Variants in GBF1 observed in about 807,000 individuals in gnomAD.
GBF1 encodes the protein golgi brefeldin A resistant guanine nucleotide exchange factor 1.
GBF1 carries 114 observed loss-of-function variants against 210.5 expected under a neutral mutation model. The ratio of observed to expected loss-of-function variants is 0.54; its 90% confidence interval spans 0.47 to 0.63. The LOEUF is 0.63. Ranked by LOEUF, GBF1 falls within the 30% of genes least tolerant of loss-of-function variation. The pLI, the probability that GBF1 is intolerant of heterozygous loss-of-function variation, is 0.00. For missense variants in GBF1, 1,851 were observed against 2,357.7 expected, an observed-to-expected ratio of 0.79 and a Z score of 4.45; for synonymous variants, 850 against 889.2, an observed-to-expected ratio of 0.96 and a Z score of 0.78.
At chr10:102,309,706 A>T (rs562888640) in intron 3 of GBF1, among the ~76,000 whole-genome samples, 2 of 151,998 alleles carry the variant, frequency 1.3e-5, no homozygotes, top group African/African-American at 4.8e-5. Context: ...TAACCTAGTT[A>T]TGATTTTTGT....
At chr10:102,304,983 T>TA (rs1381174447) in intron 3 of GBF1, among the ~76,000 whole-genome samples, 3 of 78,112 alleles carry the variant, frequency 3.8e-5, no homozygotes, top group African/African-American at 1.6e-4. Flanking sequence ...GCACATCTCT[T>TA]AAAAAAAAAG....
chr10:102,354,373 T>C (rs1022897090), intron 8 of GBF1, among the ~76,000 whole-genome samples: 1 of 152,174 alleles, frequency 6.6e-6, no homozygotes, highest in African/African-American at 2.4e-5. Flanking sequence ...TTCGCAGATA[T>C]CTCCATGTCT....
intron 18 of GBF1, among the ~76,000 whole-genome samples, chr10:102,365,951 CAA>C (rs796765583): frequency 7.6e-6 from 1 of 132,340 alleles, no homozygotes; most frequent in Non-Finnish European, 1.6e-5. Context: ...GACCTTGGCT[CAA>C]AAAAAAAAAA....
intron 3 of GBF1, among the ~76,000 whole-genome samples, chr10:102,309,942 G>C (rs2078262452): frequency 6.6e-6 from 1 of 152,062 alleles, no homozygotes; most frequent in Non-Finnish European, 1.5e-5. Context: ...TCATTTTTTG[G>C]TTCTTGGTTT....
intron 3 of GBF1, among the ~76,000 whole-genome samples, chr10:102,329,772 A>AT (rs940978930): frequency 6.6e-6 from 1 of 150,928 alleles, no homozygotes; most frequent in Non-Finnish European, 1.5e-5. Context: ...CAAGTTTTAA[A>AT]TTTTTGTCAT....
intron 3 of GBF1, among the ~76,000 whole-genome samples, chr10:102,316,220 G>A (rs1025180438): frequency 6.6e-6 from 1 of 151,670 alleles, no homozygotes; most frequent in African/African-American, 2.4e-5. Context: ...CCATGTAGCT[G>A]GGATTACAAG....
At chr10:102,284,300 A>G (rs2075759066) in intron 3 of GBF1, among the ~76,000 whole-genome samples, 1 of 152,224 alleles carries the variant, frequency 6.6e-6, no homozygotes, top group African/African-American at 2.4e-5. Flanking sequence ...AAAATTAACC[A>G]TTTTAAAGTG....
Position 102,376,938 on chromosome 10 carries a change from G to A in GBF1, c.4292G>A (p.Cys1431Tyr), listed in dbSNP as rs1205012465. 6 of 1,613,854 alleles carry A rather than the reference G, an allele frequency of 3.7e-6. No individual in the cohort carries two copies. Among genetic ancestry groups the A allele is most frequent in the Non-Finnish European group, 5.1e-6 (6 of 1,179,856 alleles). ...ACCTGAGTCTGGCTCTGCTCAGGAT[G>A]CAAGTCCCAGGAGAAACGTGGCAAG... ...IFVEASLNGG[C>Y]KSQEKRGKSH... The change falls in exon 33 of 40, where the codon TGC (cysteine) becomes TAC (tyrosine). Residue 1431 changes from cysteine to tyrosine, a missense_variant. Transcript: ENST00000369983.
intron 3 of GBF1, among the ~76,000 whole-genome samples, chr10:102,291,282 G>A (rs2076414926): frequency 6.6e-6 from 1 of 152,080 alleles, no homozygotes; most frequent in African/African-American, 2.4e-5. Flanking sequence ...TCCTTACAGA[G>A]AAGTGCATCA....
chr10:102,363,474 T>C lies in GBF1; in HGVS notation c.2017+78T>C. ...AGAGCAGAGGGAGGGAGCAGACACC[T>C]AGGATAGTAACTAAGCAAGCCTTGG... On this transcript the variant is annotated intron_variant, in intron 16 of 39. Transcript: ENST00000369983. The surrounding 1 kb of genome is among the most constrained non-coding windows in gnomAD (Gnocchi z 4.2). 7.3e-7 allele frequency: 1 copy of C among 1,365,854 alleles called. No homozygotes were observed. The highest frequency in any genetic ancestry group is 2.3e-5 in the East Asian group (1 of 43,454). The allele number at this position is 1,365,854 out of a possible 1,614,324, so 84.6% of individuals were successfully genotyped here.
At chr10:102,344,640 C>T (rs2058413868) in intron 4 of GBF1, among the ~76,000 whole-genome samples, 1 of 151,956 alleles carries the variant, frequency 6.6e-6, no homozygotes, top group Non-Finnish European at 1.5e-5. Context: ...ACCACCACGC[C>T]CAGCTAATTT....
chr10:102,370,369 G>C lies in GBF1; in HGVS notation c.3412-15G>C, dbSNP rs1341523778. 1.3e-5 allele frequency: 21 copies of C among 1,585,320 alleles called. No individual in the cohort carries two copies. Among genetic ancestry groups the C allele is most frequent in the Non-Finnish European group, 1.8e-5 (21 of 1,153,670 alleles). On this transcript the variant is annotated splice_polypyrimidine_tract_variant and intron_variant, in intron 27 of 39. Transcript: ENST00000369983. The stretch of plus-strand genomic sequence containing the variant: ...TCTTTTCCATGCCTACTTTCCTGCT[G>C]CTGTTCCCCTTCAGGCTCTGGTCTC...
upstream of GBF1, among the ~76,000 whole-genome samples, chr10:102,243,007 T>A (rs533435424): frequency 5.3e-5 from 8 of 151,658 alleles, no homozygotes; most frequent in Admixed American, 3.9e-4. Context: ...ATGTCTTGAC[T>A]GTTCAGTGAC....
At chr10:102,304,997 GAAAGAAA>G (rs1339856271) in intron 3 of GBF1, among the ~76,000 whole-genome samples, 2 of 572 alleles carry the variant, frequency 3.5e-3, no homozygotes, top group East Asian at 0.12. Context: ...AAAAAAGAAA[GAAAGAAA>G]GAAAGAAAGA....
At chr10:102,380,965 A>C (rs1427974090) in intron 38 of GBF1, among the ~76,000 whole-genome samples, 162 bp from the exon 39 acceptor site, 1 of 152,136 alleles carries the variant, frequency 6.6e-6, no homozygotes, top group African/African-American at 2.4e-5. Context: ...CCGAGATCAC[A>C]GCCTGAGTGA....
chr10:102,295,291 A>G (rs1372317142), intron 3 of GBF1, among the ~76,000 whole-genome samples: 1 of 152,332 alleles, frequency 6.6e-6, no homozygotes, highest in South Asian at 2.1e-4. Context: ...AGTAGTATGG[A>G]CTGTGGCAGA....
intron 12 of GBF1, among the ~76,000 whole-genome samples, chr10:102,360,717 C>T (rs1437856838): frequency 6.6e-6 from 1 of 152,196 alleles, no homozygotes; most frequent in Non-Finnish European, 1.5e-5. Flanking sequence ...GTGGCTCACG[C>T]CTGTAATCCC....
chr10:102,320,079 G>A (rs938923134), intron 3 of GBF1, among the ~76,000 whole-genome samples: 1 of 151,694 alleles, frequency 6.6e-6, no homozygotes, highest in Non-Finnish European at 1.5e-5. Context: ...TATTTTTTAC[G>A]TCATCCAGTA....
At chr10:102,308,262 T>G (rs2078100250) in intron 3 of GBF1, among the ~76,000 whole-genome samples, 1 of 138,226 alleles carries the variant, frequency 7.2e-6, no homozygotes, top group Non-Finnish European at 1.6e-5. Flanking sequence ...AATGGATAAG[T>G]AAAATGTGAA....
Sources: allele counts gnomAD v4.1 joint callset (sites outside exome capture counted in the v4.1 genomes callset), GRCh38; gene constraint gnomAD v4.1.1; non-coding constraint Gnocchi (gnomAD v3.1); transcripts MANE v1.5; gene names NCBI Gene and HGNC (gene_info 2026-07-23, HGNC 2026-07-21).